The following RYR2 variants were observed in gnomAD, a reference collection of about 807,000 sequenced individuals.
The protein encoded by RYR2 is ryanodine receptor 2, also known as cardiac muscle ryanodine receptor-calcium release channel.
Under a neutral mutation model 601.1 loss-of-function variants are expected in RYR2, and 227 were observed. The observed-to-expected ratio is 0.38, with a 90% CI of 0.34 to 0.42. The LOEUF is 0.42. Ranked by LOEUF, RYR2 falls within the 10% of genes least tolerant of loss-of-function variation. The probability of loss-of-function intolerance (pLI) is 1.00; values close to 1 mark genes in which losing one functional copy is unlikely to be tolerated. For missense variants in RYR2, 4,646 were observed against 6,156.5 expected (o/e 0.75, Z 8.21); for synonymous variants, 2,223 against 2,175.1 (o/e 1.02, Z -0.61).
intron 3 of RYR2, chr1:237,341,791 C>T (rs574154286): frequency 2.5e-6 from 1 of 395,070 alleles, no homozygotes; most frequent in African/African-American, 2.4e-5. Context: ...CTGTTAAATA[C>T]AGCTGTTTTT....
chr1:237,390,071 G>A (rs1035566903), intron 10 of RYR2, among the ~76,000 whole-genome samples: 1 of 151,536 alleles, frequency 6.6e-6, no homozygotes, highest in Non-Finnish European at 1.5e-5. Context: ...CAGAGTGATA[G>A]TTTAGTAGGG....
chr1:237,175,958 G>A lies in RYR2; in HGVS notation c.49-94539G>A, dbSNP rs150219496. Among the ~76,000 whole-genome samples, 20 of 152,066 alleles carry A rather than the reference G, an allele frequency of 1.3e-4. No homozygotes were observed. The East Asian group carries it at 2.5e-3, about 19-fold the overall frequency. ...TAAAGTTATGTTTTCTGGGCCAGGC[G>A]CGGTGGCTCATGCCTGTCATCCCAG... On this transcript the variant is annotated intron_variant, in intron 1 of 104. Coordinates refer to ENST00000366574, the MANE Select transcript of RYR2 (RefSeq NM_001035.3).
Position 237,700,307 on chromosome 1 carries a change from G to A in RYR2, c.9207G>A (p.Glu3069=). ...TGGACAACGCTGCAGAGGATCTGGA[G>A]AAGACCATGGAAAACCTCAAGCAGG... is the stretch of plus-strand genomic sequence containing the variant. ...AFLDNAAEDL[E]KTMENLKQGQ... The change falls in exon 65 of 105, where the codon GAG becomes GAA. Residue 3069 remains glutamate (E), a synonymous_variant. Transcript: ENST00000366574. 1 of 1,593,952 alleles carries A rather than the reference G, an allele frequency of 6.3e-7. No homozygotes were observed.
At chr1:237,706,032 C>T (rs1403763055) in intron 67 of RYR2, among the ~76,000 whole-genome samples, 1 of 152,030 alleles carries the variant, frequency 6.6e-6, no homozygotes, top group East Asian at 1.9e-4. Context: ...GGGTAGATCA[C>T]GAGGTCAGGA....
chr1:237,536,484 G>A (rs1401120156), intron 25 of RYR2, among the ~76,000 whole-genome samples: 1 of 152,152 alleles, frequency 6.6e-6, no homozygotes, highest in Non-Finnish European at 1.5e-5. Flanking sequence ...GGAGGCCGAG[G>A]CGGGCGGATC....
chr1:237,131,347 C>G (rs1178968007), intron 1 of RYR2, among the ~76,000 whole-genome samples: 1 of 151,734 alleles, frequency 6.6e-6, no homozygotes, highest in East Asian at 1.9e-4. Flanking sequence ...CTTTGATTCT[C>G]TTAAATGGAA....
intron 81 of RYR2, among the ~76,000 whole-genome samples, chr1:237,756,657 A>G (rs1692980021): frequency 6.6e-6 from 1 of 152,082 alleles, no homozygotes; most frequent in South Asian, 2.1e-4. Context: ...TAGCAGACTG[A>G]TCCTATAAAA....
At chr1:237,369,672 G>A in intron 6 of RYR2, 64 bp downstream of exon 6, 2 of 1,286,438 alleles carry the variant, frequency 1.6e-6, no homozygotes, top group East Asian at 5.1e-5. Flanking sequence ...TACATGGTCT[G>A]CAAATGCTGG....
Position 237,590,696 on chromosome 1 carries a change from G to A in RYR2, c.3864G>A (p.Lys1288=). The A allele has an allele frequency of 6.3e-7, 1 of 1,593,558 alleles. No individual in the cohort carries two copies. Among genetic ancestry groups the A allele is most frequent in the Non-Finnish European group, 8.6e-7 (1 of 1,167,788 alleles). ...DSSPCLKVTQ[K]SFGSQNSNTD... Reference sequence around the variant, plus strand: ...CCCCATGTTTAAAGGTCACTCAGAAGTCTTTTGGTTCTCAGAACAGCAACA... The same window carrying A: ...CCCCATGTTTAAAGGTCACTCAGAAATCTTTTGGTTCTCAGAACAGCAACA... Residue 1288 remains lysine, a synonymous_variant, in exon 31 of 105, where the codon AAG becomes AAA. Transcript: ENST00000366574.
At chr1:237,633,453 G>A in intron 42 of RYR2, 125 bp from the exon 43 acceptor site, 5 of 1,078,422 alleles carry the variant, frequency 4.6e-6, no homozygotes, top group Non-Finnish European at 4.1e-6. Context: ...AAGATCTTTG[G>A]TATCTGAAGT....
At chr1:237,621,407 GATA>G (rs1679064348) in intron 38 of RYR2, among the ~76,000 whole-genome samples, 1 of 151,978 alleles carries the variant, frequency 6.6e-6, no homozygotes, top group South Asian at 2.1e-4. Context: ...CACTAATGTA[GATA>G]ATAACAGAAA....
Position 237,538,564 on chromosome 1 carries a change from G to A in RYR2, c.2906+8054G>A, listed in dbSNP as rs374472935. Among the ~76,000 whole-genome samples, 17 of 151,954 alleles carry A rather than the reference G, an allele frequency of 1.1e-4. No homozygotes were observed. The East Asian group carries it at 3.3e-3, about 29-fold the overall frequency. ...ACGCAGGCGGATCACTTGAGGTCAG[G>A]AGTTCCAGACCAGCCCGGCCAACAT... On this transcript the variant is annotated intron_variant, in intron 25 of 104. Transcript: ENST00000366574.
chr1:237,536,849 GC>G (rs1668691729), intron 25 of RYR2, among the ~76,000 whole-genome samples: 1 of 151,500 alleles, frequency 6.6e-6, no homozygotes, highest in African/African-American at 2.4e-5. Flanking sequence ...TCGCGCCACT[GC>G]ACTCCAGCCT....
At chr1:237,203,439 G>A (rs1681422208) in intron 1 of RYR2, among the ~76,000 whole-genome samples, 2 of 152,046 alleles carry the variant, frequency 1.3e-5, no homozygotes, top group African/African-American at 4.8e-5. Flanking sequence ...AGTATATATT[G>A]GATCATTATT....
rs368363584 is a variant in RYR2, at chr1:237,077,771, C to A, written c.48+35202C>A. Among the ~76,000 whole-genome samples, 82 of 152,242 alleles carry A rather than the reference C, an allele frequency of 5.4e-4. No individual in the cohort carries two copies. In the East Asian group the frequency reaches 0.014, roughly 26 times the overall value. On this transcript the variant is annotated intron_variant, in intron 1 of 104. Transcript: ENST00000366574. ...AAATTGAACTCAGCTCTGCACCAAGCGGACCTAATAGACATCTACAGAACC... is the reference window on the plus strand; with the variant it reads ...AAATTGAACTCAGCTCTGCACCAAGAGGACCTAATAGACATCTACAGAACC...
chr1:237,288,305 G>A (rs969239129), intron 2 of RYR2, among the ~76,000 whole-genome samples: 5 of 152,172 alleles, frequency 3.3e-5, no homozygotes, highest in African/African-American at 9.7e-5. Flanking sequence ...CCAGGAAATG[G>A]CACTTTCCAG....
chr1:237,128,132 C>T (rs936424016), intron 1 of RYR2, among the ~76,000 whole-genome samples: 5 of 152,176 alleles, frequency 3.3e-5, no homozygotes, highest in Admixed American at 6.5e-5. Context: ...TCTGCAATCC[C>T]GGCACCTCGG....
chr1:237,472,003 C>A (rs4329502), intron 17 of RYR2, among the ~76,000 whole-genome samples: 73,794 of 151,946 alleles, frequency 0.49, 19,002 homozygotes, highest in East Asian at 0.71. Context: ...ATCAGACTTG[C>A]AATATGACCA....
intron 1 of RYR2, among the ~76,000 whole-genome samples, chr1:237,087,179 A>T (rs1336390184): frequency 6.6e-6 from 1 of 152,186 alleles, no homozygotes. Flanking sequence ...TTCCCTCATT[A>T]GTTGCTGGTG....
Sources: gnomAD v4.1 joint callset for allele counts (sites outside exome capture counted in the v4.1 genomes callset) on GRCh38, gnomAD v4.1.1 for gene constraint, MANE v1.5 for transcripts, NCBI Gene and HGNC (gene_info 2026-07-23, HGNC 2026-07-21) for gene names.